The following ZFHX3 variants were observed in gnomAD, a reference collection of about 807,000 sequenced individuals.
The protein encoded by ZFHX3 is zinc finger homeobox 3.
A neutral mutation model predicts 279.1 loss-of-function variants in ZFHX3; 42 were observed. The observed-to-expected ratio is 0.15, with a 90% confidence interval of 0.12 to 0.19. The LOEUF is 0.19. ZFHX3 is among the 10% of genes least tolerant of loss of function. The pLI is 1.00. For missense variants in ZFHX3, 4,981 were observed against 4,754.0 expected (o/e 1.05, Z -1.40); for synonymous variants, 2,293 against 1,957.8 (o/e 1.17, Z -4.52).
At chr16:72,848,714 A>G (rs942816232) in intron 4 of ZFHX3, among the ~76,000 whole-genome samples, 1 of 140,510 alleles carries the variant, frequency 7.1e-6, no homozygotes, top group African/African-American at 2.7e-5. Flanking sequence ...CCTCCTGATC[A>G]GATGCCCCCA....
At chr16:73,375,611 A>T (rs1190315231) in intron 3 of ZFHX3, among the ~76,000 whole-genome samples, 1 of 152,180 alleles carries the variant, frequency 6.6e-6, no homozygotes, top group Non-Finnish European at 1.5e-5. Context: ...GTTTATACTG[A>T]TACTTCCCAT....
At chr16:73,004,691 TCA>T (rs923328710) in intron 1 of ZFHX3, among the ~76,000 whole-genome samples, 6 of 152,208 alleles carry the variant, frequency 3.9e-5, no homozygotes, top group African/African-American at 1.4e-4. Context: ...AAACACCTTT[TCA>T]CAGTTTGTCA....
At chr16:73,534,497 G>A (rs1329538576) in intron 2 of ZFHX3, among the ~76,000 whole-genome samples, 2 of 152,058 alleles carry the variant, frequency 1.3e-5, no homozygotes, top group African/African-American at 2.4e-5. Flanking sequence ...GGTGTTTATC[G>A]TTTGTCTGCC....
intron 3 of ZFHX3, among the ~76,000 whole-genome samples, chr16:73,330,869 A>G (rs2015788870): frequency 6.6e-6 from 1 of 152,152 alleles, no homozygotes; most frequent in Non-Finnish European, 1.5e-5. Flanking sequence ...CCCTATACTC[A>G]TTGGTGGCTT....
intron 5 of ZFHX3, among the ~76,000 whole-genome samples, chr16:73,166,807 G>T (rs74645173): frequency 0.022 from 3,403 of 152,280 alleles, 117 homozygotes; most frequent in African/African-American, 0.075. Context: ...TTGTTATTAC[G>T]TTGCTTAAGT....
In ZFHX3 at chr16:73,621,695, C is replaced by A. The variant is rs1247634582; in HGVS notation, c.-1547+58485G>T. Among the ~76,000 whole-genome samples, 4 of 152,264 alleles carry A rather than the reference C, an allele frequency of 2.6e-5. No homozygotes were observed. In the East Asian group the frequency reaches 7.7e-4, roughly 29 times the overall value. ...AAAAAGGAGTCTGCATAATTCTCAA[C>A]TCCAGGTTATATATCTACAATAACA... On this transcript the variant is annotated intron_variant, in intron 2 of 17. Coordinates refer to the ZFHX3 transcript ENST00000641206.
intron 1 of ZFHX3, among the ~76,000 whole-genome samples, chr16:73,020,341 G>A (rs1477802228): frequency 6.6e-6 from 1 of 152,208 alleles, no homozygotes; most frequent in East Asian, 1.9e-4. Context: ...GAAGAGGGGT[G>A]ATGTTGCTAT....
intron 1 of ZFHX3, among the ~76,000 whole-genome samples, chr16:73,057,530 G>A (rs1441581990): frequency 2.1e-5 from 2 of 93,370 alleles, no homozygotes; most frequent in Non-Finnish European, 4.7e-5. Flanking sequence ...CCAGATTCGC[G>A]AGAGCAAAAA....
chr16:73,448,715 T>TGTGC (rs1391639451), intron 3 of ZFHX3, among the ~76,000 whole-genome samples: 2 of 151,792 alleles, frequency 1.3e-5, no homozygotes, highest in Admixed American at 1.3e-4. Flanking sequence ...TGTGTGTGTG[T>TGTGC]GTGTGTATCT....
chr16:72,809,312 T>C lies in ZFHX3; in HGVS notation c.3864+2265A>G, dbSNP rs193213609. The C allele has an allele frequency of 2.0e-5, 3 of 152,300 alleles. No homozygotes were observed. In the East Asian group the frequency reaches 5.8e-4, roughly 29 times the overall value. The allele number at this position is 152,300 out of a possible 1,614,324, so 9.4% of individuals were successfully genotyped here. On this transcript the variant is annotated intron_variant, in intron 7 of 9. Coordinates refer to ENST00000268489, the MANE Select transcript of ZFHX3 (RefSeq NM_006885.4). ...GAAAAATGTAGGTCAGTATTGACAATGCTTCCCTCCCCACATCTCTTTCTG... is the reference window on the plus strand; with the variant it reads ...GAAAAATGTAGGTCAGTATTGACAACGCTTCCCTCCCCACATCTCTTTCTG...
chr16:72,959,419 C>T lies in ZFHX3; in HGVS notation c.727G>A (p.Asp243Asn), dbSNP rs867647027. Residue 243 changes from aspartate to asparagine, a missense_variant, in exon 2 of 10, where the codon GAT becomes AAT. Asp to Asn is a conservative substitution (Grantham distance 23). Around this residue, in one of 7 missense-constraint regions of ZFHX3, gnomAD observed 1,068 missense variants for 935.2 expected, o/e 1.14. Coordinates refer to ENST00000268489, the MANE Select transcript of ZFHX3 (RefSeq NM_006885.4). ...GCAGAACCGTCGCTGTTCAGGTAAT[C>T]CTTGTTGCTTTTGTGTCGCACGTCA... ...VFDVRHKSNK[D>N]YLNSDGSAKS... 1.2e-6 allele frequency: 2 copies of T among 1,614,232 alleles called. No homozygotes were observed. Among genetic ancestry groups the T allele is most frequent in the African/African-American group, 2.7e-5 (2 of 75,076 alleles).
exon 1 of ZFHX3, chr16:73,059,521 CCTTT>C (rs1471922269): frequency 3.3e-4 from 21 of 64,014 alleles, no homozygotes; most frequent in Admixed American, 2.1e-3. Context: ...ATTATTTTCC[CCTTT>C]CTCTCTCTCT....
intron 4 of ZFHX3, among the ~76,000 whole-genome samples, chr16:73,283,013 A>C (rs2014496027): frequency 1.3e-5 from 2 of 152,266 alleles, no homozygotes; most frequent in African/African-American, 4.8e-5. Context: ...TCTCAGACAG[A>C]GAAGTCAAAC....
intron 4 of ZFHX3, among the ~76,000 whole-genome samples, chr16:72,871,196 A>G (rs2038152800): frequency 6.6e-6 from 1 of 152,130 alleles, no homozygotes; most frequent in African/African-American, 2.4e-5. Flanking sequence ...TATTTTTGAG[A>G]TGGAGTTTTG....
At chr16:72,987,919 A>G (rs1962915388) in intron 1 of ZFHX3, among the ~76,000 whole-genome samples, 1 of 152,176 alleles carries the variant, frequency 6.6e-6, no homozygotes, top group Non-Finnish European at 1.5e-5. Flanking sequence ...TGGACGCCCT[A>G]TTCATTCACA....
At chr16:73,273,870 C>T (rs185464615) in intron 4 of ZFHX3, among the ~76,000 whole-genome samples, 3 of 152,280 alleles carry the variant, frequency 2.0e-5, no homozygotes, top group African/African-American at 4.8e-5. Flanking sequence ...AGGCCGGATG[C>T]GGTGGCTCAC....
chr16:73,249,824 T>TACA (rs1555506161), intron 5 of ZFHX3, among the ~76,000 whole-genome samples: 1 of 148,674 alleles, frequency 6.7e-6, no homozygotes, highest in African/African-American at 2.5e-5. Flanking sequence ...AACAGGCACT[T>TACA]CACACACACA....
chr16:73,149,181 A>ATATATTTTATTTATATTATAT (rs1966885305), intron 5 of ZFHX3, among the ~76,000 whole-genome samples: 4 of 139,098 alleles, frequency 2.9e-5, no homozygotes, highest in African/African-American at 1.1e-4. Flanking sequence ...ATAAATGCCA[A>ATATATTTTATTTATATTATAT]TATATTTTAC....
intron 4 of ZFHX3, among the ~76,000 whole-genome samples, chr16:72,871,303 G>A (rs922166064): frequency 2.0e-5 from 3 of 151,396 alleles, no homozygotes; most frequent in Admixed American, 6.6e-5. Flanking sequence ...TGCCTCCCAA[G>A]TAGCTAGGAT....
Sources: allele counts gnomAD v4.1 joint callset (sites outside exome capture counted in the v4.1 genomes callset), GRCh38; gene constraint gnomAD v4.1.1; regional missense constraint gnomAD v4.1.1; transcripts MANE v1.5; gene names NCBI Gene and HGNC (gene_info 2026-07-23, HGNC 2026-07-21).